The following SAMSN1 variants were observed in gnomAD, a reference collection of about 807,000 sequenced individuals.
SAMSN1 encodes SAM domain-containing protein SAMSN-1.
SAMSN1 carries 31 observed loss-of-function variants against 42.0 expected under a neutral mutation model. The observed-to-expected ratio is 0.74, with a 90% CI of 0.55 to 1.00. The LOEUF (loss-of-function observed/expected upper bound fraction) is 1.00. Among genes scored for constraint, SAMSN1 ranks in the 50% least tolerant of loss-of-function variants. SAMSN1 has a pLI of 0.00. For missense variants in SAMSN1, 464 were observed against 439.4 expected, an observed-to-expected ratio of 1.06 and a Z score of -0.50; for synonymous variants, 178 against 151.9, an observed-to-expected ratio of 1.17 and a Z score of -1.26.
intron 5 of SAMSN1, among the ~76,000 whole-genome samples, chr21:14,508,917 C>T (rs2122966859): frequency 6.6e-6 from 1 of 152,100 alleles, no homozygotes; most frequent in East Asian, 1.9e-4. Flanking sequence ...ATCACGAGGT[C>T]AAGAGATCGA....
intron 2 of SAMSN1, among the ~76,000 whole-genome samples, chr21:14,581,959 A>G (rs1324034785): frequency 6.6e-6 from 1 of 152,210 alleles, no homozygotes; most frequent in African/African-American, 2.4e-5. Flanking sequence ...AATATATGAA[A>G]TGTTAATATG....
At chr21:14,510,198 T>A in intron 5 of SAMSN1, 112 bp downstream of exon 5, 1 of 1,016,972 alleles carries the variant, frequency 9.8e-7, no homozygotes, top group Non-Finnish European at 1.5e-6. Flanking sequence ...CCACTTCTAC[T>A]GTTGGGAAGA....
intron 1 of SAMSN1, among the ~76,000 whole-genome samples, chr21:14,651,948 A>G (rs1041194619): frequency 6.6e-6 from 1 of 152,038 alleles, no homozygotes; most frequent in Non-Finnish European, 1.5e-5. Context: ...TAAATCCCAA[A>G]GTGAAAGATC....
At chr21:14,520,900 G>A (rs1270593148) in intron 2 of SAMSN1, among the ~76,000 whole-genome samples, 4 of 149,350 alleles carry the variant, frequency 2.7e-5, no homozygotes, top group African/African-American at 9.9e-5. Context: ...CTTTTCACCC[G>A]ATATACCCTG....
At chr21:14,615,212 C>T (rs1982804150) in intron 3 of SAMSN1, among the ~76,000 whole-genome samples, 1 of 152,020 alleles carries the variant, frequency 6.6e-6, no homozygotes, top group African/African-American at 2.4e-5. Flanking sequence ...AATACAACTA[C>T]ACCAGCCTGA....
chr21:14,613,174 G>A (rs1239366817), intron 3 of SAMSN1, among the ~76,000 whole-genome samples: 2 of 152,122 alleles, frequency 1.3e-5, no homozygotes, highest in Admixed American at 6.5e-5. Flanking sequence ...GTCTTTTTAC[G>A]TGAAGGTATC....
chr21:14,502,583 A>C (rs1987214098), intron 5 of SAMSN1, among the ~76,000 whole-genome samples: 1 of 152,182 alleles, frequency 6.6e-6, no homozygotes, highest in African/African-American at 2.4e-5. Context: ...AACTCACCTC[A>C]GGCAGCAGCA....
At chr21:14,649,335 A>G (rs1170067661) in intron 1 of SAMSN1, among the ~76,000 whole-genome samples, 3 of 151,564 alleles carry the variant, frequency 2.0e-5, no homozygotes, top group African/African-American at 4.8e-5. Flanking sequence ...ATGACGAGTT[A>G]GTGGGTGCAG....
At chr21:14,580,032 C>T (rs9305389) in intron 2 of SAMSN1, among the ~76,000 whole-genome samples, 9,504 of 152,118 alleles carry the variant, frequency 0.062, 578 homozygotes, top group African/African-American at 0.16. Context: ...ATAATGCCCT[C>T]AAATAATGTA....
chr21:14,645,969 G>C (rs985399431), intron 1 of SAMSN1, among the ~76,000 whole-genome samples: 1 of 151,938 alleles, frequency 6.6e-6, no homozygotes, highest in Non-Finnish European at 1.5e-5. Flanking sequence ...AGTCAGAGGA[G>C]ACAAAAGAAA....
At chr21:14,578,166 C>A (rs957334794) in intron 2 of SAMSN1, among the ~76,000 whole-genome samples, 10 of 152,126 alleles carry the variant, frequency 6.6e-5, no homozygotes, top group Admixed American at 6.5e-4. Context: ...CCTTGCTTAA[C>A]TACTGGGTGT....
intron 2 of SAMSN1, among the ~76,000 whole-genome samples, chr21:14,561,683 T>C (rs1980951927): frequency 6.6e-6 from 1 of 152,186 alleles, no homozygotes; most frequent in African/African-American, 2.4e-5. Flanking sequence ...AATACGATTG[T>C]TGCCAACATA....
intron 2 of SAMSN1, among the ~76,000 whole-genome samples, chr21:14,555,994 G>A (rs1020315853): frequency 5.3e-5 from 8 of 152,146 alleles, no homozygotes; most frequent in Non-Finnish European, 7.4e-5. Context: ...AAAGTAGATT[G>A]TACTGATCAA....
intron 7 of SAMSN1, among the ~76,000 whole-genome samples, chr21:14,589,945 A>G (rs1395113464): frequency 1.3e-5 from 2 of 152,166 alleles, no homozygotes; most frequent in African/African-American, 2.4e-5. Flanking sequence ...TTTTTCAAAA[A>G]TTAATATTTT....
chr21:14,626,081 G>T (rs1983161631), intron 2 of SAMSN1, among the ~76,000 whole-genome samples: 1 of 152,164 alleles, frequency 6.6e-6, no homozygotes, highest in African/African-American at 2.4e-5. Context: ...GTCATATGTA[G>T]AAAGTTGAAA....
chr21:14,653,285 C>T (rs140787573), intron 1 of SAMSN1, among the ~76,000 whole-genome samples: 4 of 151,984 alleles, frequency 2.6e-5, no homozygotes, highest in South Asian at 4.2e-4. Context: ...AAATATGGTA[C>T]ATATACACAA....
At chr21:14,658,932 A>C, upstream of SAMSN1, 1 of 602,876 alleles carries the variant, frequency 1.7e-6, no homozygotes, top group Non-Finnish European at 3.0e-6. Flanking sequence ...TTATCAAATA[A>C]TATAGGCTTT....
chr21:14,581,046 T>A (rs1443210328), intron 2 of SAMSN1, among the ~76,000 whole-genome samples: 2 of 152,110 alleles, frequency 1.3e-5, no homozygotes, highest in African/African-American at 4.8e-5. Flanking sequence ...AAGTTAAGAT[T>A]AAAAGGTTTA....
chr21:14,622,182 C>G (rs559009576), intron 2 of SAMSN1, among the ~76,000 whole-genome samples: 6 of 152,304 alleles, frequency 3.9e-5, no homozygotes, highest in Admixed American at 2.6e-4. Context: ...GTAAAAACAG[C>G]AGAAAAGCTG....
Sources: allele counts gnomAD v4.1 joint callset (sites outside exome capture counted in the v4.1 genomes callset), GRCh38; gene constraint gnomAD v4.1.1; transcripts MANE v1.5; gene names NCBI Gene and HGNC (gene_info 2026-07-23, HGNC 2026-07-21).